AMD1: variants seen among roughly 807,000 people sequenced by gnomAD.
AMD1 encodes S-adenosylmethionine decarboxylase proenzyme.
AMD1 carries 11 observed loss-of-function variants against 40.2 expected under a neutral mutation model. That is an observed-to-expected ratio of 0.27 (90% CI 0.17 to 0.45). The LOEUF is 0.45. Among genes scored for constraint, AMD1 ranks in the 20% least tolerant of loss-of-function variants. AMD1 has a pLI of 1.00. For synonymous variants in AMD1, 121 were observed against 130.8 expected, an observed-to-expected ratio of 0.93 and a Z score of 0.51; for missense variants, 257 against 410.2, an observed-to-expected ratio of 0.63 and a Z score of 3.23.
chr6:110,881,634 G>A (rs12212262), intron 1 of AMD1, among the ~76,000 whole-genome samples: 5,510 of 151,966 alleles, frequency 0.036, 130 homozygotes, highest in Middle Eastern at 0.071. Context: ...TGGCCAGCAT[G>A]GTGAAACACC....
the AMD1 span, among the ~76,000 whole-genome samples, chr6:110,829,903 C>T: frequency 2.6e-5 from 4 of 152,058 alleles, no homozygotes; most frequent in South Asian, 8.3e-4. Flanking sequence ...GGCTTTAATC[C>T]AGTATTTTCT....
intron 8 of AMD1, 148 bp downstream of exon 8, chr6:110,893,213 GC>G: frequency 1.1e-6 from 1 of 918,600 alleles, no homozygotes; most frequent in Non-Finnish European, 1.6e-6. Context: ...GTTACTGGTA[GC>G]TGAGAAGCTT....
chr6:110,853,559 G>T, the AMD1 span, among the ~76,000 whole-genome samples: 1 of 151,900 alleles, frequency 6.6e-6, no homozygotes, highest in Non-Finnish European at 1.5e-5. Flanking sequence ...CGCCTGCCTC[G>T]GCCTCCCAAA....
chr6:110,849,925 G>A, the AMD1 span, among the ~76,000 whole-genome samples: 220 of 151,994 alleles, frequency 1.4e-3, no homozygotes, highest in Middle Eastern at 3.4e-3. Context: ...AAACTGAGGT[G>A]GGGGGCGGGG....
chr6:110,886,170 C>T (rs1785672255), intron 1 of AMD1, among the ~76,000 whole-genome samples: 1 of 146,876 alleles, frequency 6.8e-6, no homozygotes, highest in South Asian at 2.1e-4. Flanking sequence ...TTGCAGTGAG[C>T]AGAGATCATG....
At chr6:110,843,479 AG>A in the AMD1 span, among the ~76,000 whole-genome samples, 1 of 151,678 alleles carries the variant, frequency 6.6e-6, no homozygotes, top group Non-Finnish European at 1.5e-5. Flanking sequence ...AAAAAAAAAA[AG>A]TCAAAAAACA....
At chr6:110,853,869 G>A in the AMD1 span, among the ~76,000 whole-genome samples, 1 of 152,100 alleles carries the variant, frequency 6.6e-6, no homozygotes, top group African/African-American at 2.4e-5. Context: ...ATTATATTGT[G>A]GAATGGCTGT....
chr6:110,819,829 T>C, the AMD1 span, among the ~76,000 whole-genome samples: 2 of 152,288 alleles, frequency 1.3e-5, no homozygotes, highest in South Asian at 4.1e-4. Flanking sequence ...GTAAAGAAGC[T>C]AGACAAAACC....
At chr6:110,852,154 G>A in the AMD1 span, among the ~76,000 whole-genome samples, 1 of 143,072 alleles carries the variant, frequency 7.0e-6, no homozygotes, top group East Asian at 2.0e-4. Flanking sequence ...CCAGCCTCAG[G>A]TGATCCTCCC....
Position 110,893,717 on chromosome 6 carries a change from A to G in AMD1, c.*101A>G, listed in dbSNP as rs1583225502. ...GGGGGCAGTGCTTTCCATAACCACC[A>G]CTGTGTAGTTGCAGAAAGCCCTAGA... On this transcript the variant is annotated 3_prime_UTR_variant, in exon 9 of 9. Transcript: ENST00000368885. 2 of 1,321,842 alleles carry G rather than the reference A, an allele frequency of 1.5e-6. No homozygotes were observed. The highest frequency in any genetic ancestry group is 2.1e-6 in the Non-Finnish European group (2 of 964,178). The allele number at this position is 1,321,842 out of a possible 1,614,324, so 81.9% of individuals were successfully genotyped here.
chr6:110,893,867 A>G lies in AMD1; in HGVS notation c.*251A>G, dbSNP rs1475662046. ...CACTCTTGCTGTGAAATTGAAGTGCATGTAGAAAAAACCTTTTACTATATG... is the reference window on the plus strand; with the variant it reads ...CACTCTTGCTGTGAAATTGAAGTGCGTGTAGAAAAAACCTTTTACTATATG... On this transcript the variant is annotated 3_prime_UTR_variant, in exon 9 of 9. Transcript: ENST00000368885. The G allele has an allele frequency of 5.1e-5, 21 of 413,062 alleles. No homozygotes were observed. The highest frequency in any genetic ancestry group is 3.9e-5 in the Non-Finnish European group (9 of 229,076). The allele number at this position is 413,062 out of a possible 1,614,324, so 25.6% of individuals were successfully genotyped here. A position where few individuals can be genotyped will look rare whatever the true frequency, so the allele number is the denominator to read the frequency against.
At chr6:110,875,386 T>C (rs1785039119) in intron 1 of AMD1, among the ~76,000 whole-genome samples, 171 bp downstream of exon 1, 1 of 152,058 alleles carries the variant, frequency 6.6e-6, no homozygotes, top group Non-Finnish European at 1.5e-5. Flanking sequence ...AGAGCGGCCA[T>C]GTCCACGCGG....
the AMD1 span, among the ~76,000 whole-genome samples, chr6:110,824,168 A>G: frequency 6.6e-6 from 1 of 152,218 alleles, no homozygotes; most frequent in Non-Finnish European, 1.5e-5. Context: ...GAACCAACCT[A>G]AGTACCCATC....
Position 110,893,776 on chromosome 6 carries a change from C to T in AMD1, c.*160C>T. 1 of 750,426 alleles carries T rather than the reference C, an allele frequency of 1.3e-6. No homozygotes were observed. The highest frequency in any genetic ancestry group is 2.1e-6 in the Non-Finnish European group (1 of 481,964). 46.5% of individuals were successfully genotyped at this position (750,426 alleles called of 1,614,324 possible). A position where few individuals can be genotyped will look rare whatever the true frequency, so the allele number is the denominator to read the frequency against. ...TAGTGTAATCATTTTGAATTGTATG[C>T]ATTATTATATCAAGGAGTTAGATAT... On this transcript the variant is annotated 3_prime_UTR_variant, in exon 9 of 9. Coordinates refer to ENST00000368885, the MANE Select transcript of AMD1 (RefSeq NM_001634.6).
chr6:110,833,059 G>T, the AMD1 span, among the ~76,000 whole-genome samples: 1 of 152,200 alleles, frequency 6.6e-6, no homozygotes, highest in African/African-American at 2.4e-5. Flanking sequence ...GGCCTCAGGT[G>T]ATCCACCTGC....
At position 110,892,333 on chromosome 6, in the gene AMD1, G is replaced by A; in HGVS notation, c.505G>A (p.Val169Ile). ...LYTLDFPESR[V>I]ISQPDQTLEI... ...TACTCTGGATTTCCCAGAGAGTCGG[G>A]TAATCAGTCAGCCAGATCAAACCTT... Residue 169 changes from valine to isoleucine, a missense_variant, in exon 6 of 9, where the codon GTA (valine) becomes ATA (isoleucine). Val to Ile is a conservative substitution (Grantham distance 29). Around this residue, in one of 3 missense-constraint regions of AMD1, gnomAD observed 192 missense variants for 296.5 expected, o/e 0.65. Coordinates refer to ENST00000368885, the MANE Select transcript of AMD1 (RefSeq NM_001634.6). 2 of 1,613,586 alleles carry A rather than the reference G, an allele frequency of 1.2e-6. No individual in the cohort carries two copies. The highest frequency in any genetic ancestry group is 1.7e-6 in the Non-Finnish European group (2 of 1,180,022).
At position 110,892,728 on chromosome 6, in the gene AMD1, C is replaced by CCG. The variant is rs1554238012; in HGVS notation, c.616-6_616-5insGC. Reference sequence around the variant, plus strand: ...CCTTGTTAAACTCGGTCTTTTTCCCCCCCCAGGAGAGTGGAATTCGTGACC... The same window carrying CCG: ...CCTTGTTAAACTCGGTCTTTTTCCCCCGCCCCAGGAGAGTGGAATTCGTGACC... On this transcript the variant is annotated splice_region_variant and splice_polypyrimidine_tract_variant and intron_variant, in intron 6 of 8. Coordinates refer to ENST00000368885, the MANE Select transcript of AMD1 (RefSeq NM_001634.6). 2.3e-5 allele frequency: 37 copies of CCG among 1,608,016 alleles called. No homozygotes were observed. Among genetic ancestry groups the CCG allele is most frequent in the Non-Finnish European group, 3.1e-5 (37 of 1,176,088 alleles).
chr6:110,875,638 C>T (rs947978323), intron 1 of AMD1: 7 of 158,568 alleles, frequency 4.4e-5, no homozygotes, highest in Admixed American at 3.9e-4. Context: ...GCTCGGCGGG[C>T]TTAGTCAGGC....
chr6:110,892,898 T>G lies in AMD1; in HGVS notation c.709-12T>G. The stretch of plus-strand genomic sequence containing the variant: ...TCTTTCCATTCTTAACACTGTGAAC[T>G]TTTTCTCTCAGGGAACTTATTGGAC... On this transcript the variant is annotated splice_polypyrimidine_tract_variant and intron_variant, in intron 7 of 8. Coordinates refer to ENST00000368885, the MANE Select transcript of AMD1 (RefSeq NM_001634.6). The G allele has an allele frequency of 3.1e-6, 5 of 1,613,558 alleles. No homozygotes were observed. Among genetic ancestry groups the G allele is most frequent in the Non-Finnish European group, 3.4e-6 (4 of 1,179,780 alleles).
Sources: gnomAD v4.1 joint callset for allele counts (sites outside exome capture counted in the v4.1 genomes callset) on GRCh38, gnomAD v4.1.1 for gene constraint, gnomAD v4.1.1 regional missense constraint, MANE v1.5 for transcripts, NCBI Gene and HGNC (gene_info 2026-07-23, HGNC 2026-07-21) for gene names.